Variants in DIAPH3 observed in about 807,000 individuals in gnomAD.
DIAPH3 encodes diaphanous related formin 3, also known as protein diaphanous homolog 3.
DIAPH3 carries 117 observed loss-of-function variants against 144.3 expected under a neutral mutation model. The observed-to-expected ratio is 0.81, with a 90% CI of 0.70 to 0.95. The LOEUF (loss-of-function observed/expected upper bound fraction) is 0.95, where lower values mean the gene tolerates loss of function less well. Among genes scored for constraint, DIAPH3 ranks in the 40% least tolerant of loss-of-function variants. The probability of loss-of-function intolerance (pLI) is 0.00; values close to 1 mark genes in which losing one functional copy is unlikely to be tolerated. For synonymous variants in DIAPH3, 519 were observed against 488.9 expected (o/e 1.06, Z -0.81); for missense variants, 1,421 against 1,412.7 (o/e 1.01, Z -0.09).
chr13:59,774,861 G>A (rs1217458884), intron 25 of DIAPH3, 38 bp from the exon 26 acceptor site: 2 of 1,547,124 alleles, frequency 1.3e-6, no homozygotes, highest in African/African-American at 2.7e-5. Context: ...TCAGCCCTCA[G>A]GGTTACCATA....
rs76366906 is a variant in DIAPH3, at chr13:59,971,078, G to T, written c.1733C>A (p.Pro578Gln). The stretch of plus-strand genomic sequence containing the variant: ...CCCTCCACCAGAAGGCAGTGGAGGC[G>T]GAGGAGGAAGTGCTGAGTGGCCAGT... ...GGTGHSALPP[P>Q]PPLPSGGGVP... Residue 578 changes from proline (P) to glutamine (Q), a missense_variant, in exon 16 of 28, where the codon CCG (proline) becomes CAG (glutamine). Coordinates refer to ENST00000400324, the MANE Select transcript of DIAPH3 (RefSeq NM_001042517.2). 6.2e-7 allele frequency: 1 copy of T among 1,613,220 alleles called. No individual in the cohort carries two copies. Among genetic ancestry groups the T allele is most frequent in the African/African-American group, 1.3e-5 (1 of 74,888 alleles).
At chr13:59,769,091 C>T (rs2037993978) in intron 27 of DIAPH3, among the ~76,000 whole-genome samples, 1 of 152,108 alleles carries the variant, frequency 6.6e-6, no homozygotes, top group Non-Finnish European at 1.5e-5. Flanking sequence ...AGGATGCAAA[C>T]AAACTGCAGG....
intron 2 of DIAPH3, among the ~76,000 whole-genome samples, chr13:60,120,734 C>T (rs1176495839): frequency 6.6e-6 from 1 of 152,146 alleles, no homozygotes; most frequent in African/African-American, 2.4e-5. Context: ...GGCCTCCCCG[C>T]ACCAATTAGC....
intron 27 of DIAPH3, among the ~76,000 whole-genome samples, chr13:59,763,554 C>T (rs1044671271): frequency 2.2e-4 from 33 of 152,054 alleles, no homozygotes; most frequent in African/African-American, 6.3e-4. Flanking sequence ...CATGGTGGTA[C>T]GTGCCTGTAG....
chr13:60,110,946 T>G (rs1028985992), intron 3 of DIAPH3, among the ~76,000 whole-genome samples: 1 of 152,222 alleles, frequency 6.6e-6, no homozygotes, highest in African/African-American at 2.4e-5. Context: ...AGTTGTACTT[T>G]TAACTTGTGG....
At chr13:59,992,619 C>A in intron 9 of DIAPH3, 36 bp from the exon 10 acceptor site, 1 of 1,517,872 alleles carries the variant, frequency 6.6e-7, no homozygotes, top group South Asian at 1.1e-5. Context: ...GACTGGGTTT[C>A]CAACATTAAA....
At chr13:59,880,978 C>CAAAAAAAAAAAA (rs77481523) in intron 20 of DIAPH3, among the ~76,000 whole-genome samples, 1 of 64,818 alleles carries the variant, frequency 1.5e-5, no homozygotes, top group Non-Finnish European at 3.1e-5. Context: ...CAACAAGGAC[C>CAAAAAAAAAAAA]AAAAAAAAAA....
At chr13:59,707,559 C>T (rs58782151) in intron 27 of DIAPH3, among the ~76,000 whole-genome samples, 4,874 of 152,164 alleles carry the variant, frequency 0.032, 275 homozygotes, top group African/African-American at 0.11. Flanking sequence ...AGTTTAAATT[C>T]CCCAAAGTTT....
intron 24 of DIAPH3, among the ~76,000 whole-genome samples, chr13:59,821,243 G>A (rs2041055835): frequency 6.6e-6 from 1 of 151,992 alleles, no homozygotes; most frequent in South Asian, 2.1e-4. Context: ...TAGGTACTAT[G>A]AAAACAAGAC....
At chr13:60,051,124 A>G (rs1014188185) in intron 4 of DIAPH3, among the ~76,000 whole-genome samples, 1 of 152,162 alleles carries the variant, frequency 6.6e-6, no homozygotes, top group Non-Finnish European at 1.5e-5. Flanking sequence ...CAAGAAGAAA[A>G]GCAAGAAGAA....
At chr13:60,135,587 T>C (rs562176349) in intron 1 of DIAPH3, among the ~76,000 whole-genome samples, 1 of 152,246 alleles carries the variant, frequency 6.6e-6, no homozygotes, top group Admixed American at 6.5e-5. Context: ...GAGAAGTCAA[T>C]AGGGCAGGAA....
chr13:59,964,675 G>A (rs545799137), intron 17 of DIAPH3, among the ~76,000 whole-genome samples: 7 of 151,952 alleles, frequency 4.6e-5, no homozygotes, highest in African/African-American at 7.2e-5. Context: ...CATTTCTTCC[G>A]CACCCCAACA....
intron 22 of DIAPH3, among the ~76,000 whole-genome samples, chr13:59,850,799 A>G (rs911343593): frequency 8.1e-5 from 12 of 149,050 alleles, no homozygotes; most frequent in African/African-American, 2.7e-4. Flanking sequence ...ATTCCTCGAC[A>G]CATACACTCT....
At chr13:60,001,336 C>G (rs1329330414) in intron 9 of DIAPH3, among the ~76,000 whole-genome samples, 1 of 152,188 alleles carries the variant, frequency 6.6e-6, no homozygotes, top group African/African-American at 2.4e-5. Flanking sequence ...CCATGCAAAA[C>G]ATCTTCCCTT....
At position 59,934,908 on chromosome 13, in the gene DIAPH3, G is replaced by A. The variant is rs570878051; in HGVS notation, c.2075-10038C>T. On this transcript the variant is annotated intron_variant, in intron 17 of 27. Transcript: ENST00000400324. ...CACTTGATCCAAATTTTCCCTTGCT[G>A]TACATGTTCACCAGGACAGTTAGTG... 2.9e-3 allele frequency among the ~76,000 whole-genome samples: 441 copies of A among 152,266 alleles called. 2 individuals are homozygous for A. The highest frequency in any genetic ancestry group is 0.01 in the African/African-American group (430 of 41,560).
chr13:59,713,459 G>A (rs2034860811), intron 27 of DIAPH3, among the ~76,000 whole-genome samples: 1 of 152,164 alleles, frequency 6.6e-6, no homozygotes, highest in Non-Finnish European at 1.5e-5. Context: ...CACCTCCACT[G>A]AGGACTGACA....
intron 12 of DIAPH3, among the ~76,000 whole-genome samples, chr13:59,988,479 A>C (rs2051580549): frequency 6.6e-6 from 1 of 151,882 alleles, no homozygotes; most frequent in Non-Finnish European, 1.5e-5. Context: ...CAACTCCACA[A>C]TGTCCAATTA....
chr13:59,891,212 T>C lies in DIAPH3; in HGVS notation c.2368-11744A>G, dbSNP rs541720402. 3.3e-5 allele frequency among the ~76,000 whole-genome samples: 5 copies of C among 152,198 alleles called. No individual in the cohort carries two copies. The South Asian group carries it at 8.3e-4, about 25-fold the overall frequency. ...AAAAGCAACCTTAAAACAATGTTGTTTGCAAAGTGATGAATCACAAGAGAC... is the reference window on the plus strand; with the variant it reads ...AAAAGCAACCTTAAAACAATGTTGTCTGCAAAGTGATGAATCACAAGAGAC... On this transcript the variant is annotated intron_variant, in intron 20 of 27. Coordinates refer to ENST00000400324, the MANE Select transcript of DIAPH3 (RefSeq NM_001042517.2).
intron 2 of DIAPH3, among the ~76,000 whole-genome samples, chr13:60,118,268 T>A (rs1294243122): frequency 5.3e-5 from 8 of 152,152 alleles, no homozygotes; most frequent in Non-Finnish European, 1.2e-4. Flanking sequence ...CTATAGTATA[T>A]CACTGTAAAA....
Sources: allele counts gnomAD v4.1 joint callset (sites outside exome capture counted in the v4.1 genomes callset), GRCh38; gene constraint gnomAD v4.1.1; transcripts MANE v1.5; gene names NCBI Gene and HGNC (gene_info 2026-07-23, HGNC 2026-07-21).